The following ADGRV1 variants were observed in gnomAD, a reference collection of about 807,000 sequenced individuals.
The protein encoded by ADGRV1 is adhesion G protein-coupled receptor V1, also known as G-protein coupled receptor 98.
In ADGRV1, 359 loss-of-function variants were observed where a neutral mutation model predicts 596.2. The observed-to-expected ratio is 0.60, with a 90% CI of 0.55 to 0.66. ADGRV1 has a LOEUF of 0.66. Among genes scored for constraint, ADGRV1 ranks in the 30% least tolerant of loss-of-function variants. The pLI, the probability that ADGRV1 is intolerant of heterozygous loss-of-function variation, is 0.00. For missense variants in ADGRV1, 7,274 were observed against 7,575.6 expected, an observed-to-expected ratio of 0.96 and a Z score of 1.48; for synonymous variants, 2,681 against 2,679.2, an observed-to-expected ratio of 1.00 and a Z score of -0.02.
intron 83 of ADGRV1, among the ~76,000 whole-genome samples, chr5:90,870,959 A>T (rs1384042902): frequency 1.3e-5 from 2 of 152,166 alleles, no homozygotes; most frequent in African/African-American, 4.8e-5. Flanking sequence ...CTGCTAATGC[A>T]CCTAACTTAA....
chr5:90,918,913 G>A (rs985228324), intron 83 of ADGRV1, among the ~76,000 whole-genome samples: 4 of 152,204 alleles, frequency 2.6e-5, no homozygotes, highest in Non-Finnish European at 2.9e-5. Flanking sequence ...TTCACAGTGT[G>A]CATAACCCAG....
intron 83 of ADGRV1, among the ~76,000 whole-genome samples, chr5:90,948,805 A>C (rs1296375653): frequency 2.0e-5 from 3 of 152,152 alleles, no homozygotes; most frequent in Non-Finnish European, 4.4e-5. Context: ...TATTGTACTA[A>C]AAGTGGAAAA....
chr5:90,831,448 T>A (rs1423602540), intron 77 of ADGRV1, among the ~76,000 whole-genome samples: 1 of 152,138 alleles, frequency 6.6e-6, no homozygotes, highest in East Asian at 1.9e-4. Flanking sequence ...ACATAGTAGA[T>A]GTATATATTA....
chr5:91,153,159 CAT>C, intron 88 of ADGRV1, 60 bp from the exon 89 acceptor site: 1 of 1,384,242 alleles, frequency 7.2e-7, no homozygotes, highest in Non-Finnish European at 1.0e-6. Context: ...ATTTGGGTTT[CAT>C]AGTGAATGTG....
At chr5:91,054,102 T>TGTGTGAGAGAGA (rs1299621929) in intron 85 of ADGRV1, among the ~76,000 whole-genome samples, 137 of 126,726 alleles carry the variant, frequency 1.1e-3, no homozygotes, top group Middle Eastern at 4.0e-3. Flanking sequence ...TGTGTGTGTG[T>TGTGTGAGAGAGA]GAGAGAGAGA....
Position 90,750,715 on chromosome 5 carries a change from T to G in ADGRV1, c.11121+18T>G, listed in dbSNP as rs1019810409. The G allele has an allele frequency of 6.3e-7, 1 of 1,598,276 alleles. No individual in the cohort carries two copies. The highest frequency in any genetic ancestry group is 1.3e-5 in the African/African-American group (1 of 74,504). ...CAGGAGTGGTATGTAATTTACAAAG[T>G]TATAGGAAACACTTTTAAATTATGG... is the stretch of plus-strand genomic sequence containing the variant. On this transcript the variant is annotated intron_variant, in intron 53 of 89. Transcript: ENST00000405460.
intron 8 of ADGRV1, 26 bp from the exon 9 acceptor site, chr5:90,629,184 T>C: frequency 7.3e-7 from 1 of 1,361,968 alleles, no homozygotes; most frequent in Non-Finnish European, 9.9e-7. Flanking sequence ...AATTCTGTAC[T>C]TTAATATTTT....
At chr5:90,732,371 A>T (rs1485124281) in intron 50 of ADGRV1, among the ~76,000 whole-genome samples, 2 of 152,176 alleles carry the variant, frequency 1.3e-5, no homozygotes, top group Non-Finnish European at 2.9e-5. Flanking sequence ...TTTAAGATAT[A>T]CAATGTGATA....
At chr5:90,679,692 G>A in intron 26 of ADGRV1, 63 bp downstream of exon 26, 1 of 1,112,924 alleles carries the variant, frequency 9.0e-7, no homozygotes, top group African/African-American at 1.5e-5. Flanking sequence ...TCATTTTAGA[G>A]ACAATACTAA....
intron 52 of ADGRV1, among the ~76,000 whole-genome samples, chr5:90,747,892 A>G (rs1754805299): frequency 6.6e-6 from 1 of 152,198 alleles, no homozygotes; most frequent in Non-Finnish European, 1.5e-5. Flanking sequence ...GCATAAGCCC[A>G]TTAGCATTGT....
chr5:90,853,569 T>C, intron 80 of ADGRV1, 36 bp downstream of exon 80: 2 of 1,582,338 alleles, frequency 1.3e-6, no homozygotes, highest in Non-Finnish European at 8.6e-7. Context: ...GTGGTTGGAA[T>C]CTGATTTATT....
In ADGRV1 at chr5:91,045,233, C is replaced by G. The variant is rs117130064; in HGVS notation, c.18153-27214C>G. On this transcript the variant is annotated intron_variant, in intron 85 of 89. Coordinates refer to ENST00000405460, the MANE Select transcript of ADGRV1 (RefSeq NM_032119.4). ...TACCAAGACCAGGAAAGGACATAAC[C>G]AAAAAAGAAGACTACGGACCAATAT... Among the ~76,000 whole-genome samples the G allele has an allele frequency of 3.9e-3, 595 of 152,024 alleles. 32 individuals are homozygous for G. The East Asian group carries it at 0.11, about 27-fold the overall frequency.
chr5:90,825,836 A>T (rs964072943), intron 76 of ADGRV1: 1 of 152,220 alleles, frequency 6.6e-6, no homozygotes, highest in African/African-American at 2.4e-5. Flanking sequence ...TGAGCCCATT[A>T]TCAAAAGTTT....
At chr5:90,768,561 T>G (rs1757377449) in intron 59 of ADGRV1, among the ~76,000 whole-genome samples, 1 of 152,218 alleles carries the variant, frequency 6.6e-6, no homozygotes, top group African/African-American at 2.4e-5. Flanking sequence ...TATAATAGTT[T>G]CCTGGACTTT....
At chr5:90,877,233 G>A (rs1769300902) in intron 83 of ADGRV1, among the ~76,000 whole-genome samples, 5 of 152,150 alleles carry the variant, frequency 3.3e-5, no homozygotes. Flanking sequence ...GACGCAAAAA[G>A]GATTGCTCTA....
intron 61 of ADGRV1, among the ~76,000 whole-genome samples, chr5:90,777,067 G>A (rs1382079446): frequency 6.6e-6 from 1 of 152,114 alleles, no homozygotes; most frequent in Non-Finnish European, 1.5e-5. Flanking sequence ...GAAGAAAAGA[G>A]GTTTAATTGG....
intron 1 of ADGRV1, among the ~76,000 whole-genome samples, chr5:90,613,639 C>T (rs145978657): frequency 6.6e-6 from 1 of 152,226 alleles, no homozygotes; most frequent in East Asian, 1.9e-4. Flanking sequence ...TAGCTTATAT[C>T]CCTTTCCTGG....
chr5:90,668,471 C>G (rs531701122), intron 21 of ADGRV1, among the ~76,000 whole-genome samples: 56 of 147,048 alleles, frequency 3.8e-4, no homozygotes, highest in Admixed American at 4.7e-4. Context: ...GCTTCGGCTC[C>G]CGCATGGTGC....
At chr5:90,726,849 C>T (rs1024098648) in intron 48 of ADGRV1, among the ~76,000 whole-genome samples, 15 of 152,262 alleles carry the variant, frequency 9.9e-5, no homozygotes, top group Admixed American at 5.2e-4. Flanking sequence ...AATAGGCTAG[C>T]GTATTTTAAA....
Sources: allele counts gnomAD v4.1 joint callset (sites outside exome capture counted in the v4.1 genomes callset), GRCh38; gene constraint gnomAD v4.1.1; transcripts MANE v1.5; gene names NCBI Gene and HGNC (gene_info 2026-07-23, HGNC 2026-07-21).